Variants in FAM20A observed in about 807,000 individuals in gnomAD.
FAM20A encodes pseudokinase FAM20A.
Under a neutral mutation model 52.0 loss-of-function variants are expected in FAM20A, and 42 were observed. That is an observed-to-expected ratio of 0.81 (90% CI 0.63 to 1.04). The LOEUF is 1.04. FAM20A is among the 50% of genes least tolerant of loss of function. The pLI, the probability that FAM20A is intolerant of heterozygous loss-of-function variation, is 0.00. For synonymous variants in FAM20A, 304 were observed against 298.9 expected (o/e 1.02, Z -0.18); for missense variants, 742 against 712.7 (o/e 1.04, Z -0.47).
At chr17:68,594,989 G>A (rs187244908) in intron 1 of FAM20A, among the ~76,000 whole-genome samples, 66 of 152,336 alleles carry the variant, frequency 4.3e-4, no homozygotes, top group African/African-American at 1.5e-3. Flanking sequence ...GGAGAGGTGT[G>A]TATGCCAGGG....
chr17:68,598,734 C>T (rs1428396795), intron 1 of FAM20A, among the ~76,000 whole-genome samples: 1 of 152,138 alleles, frequency 6.6e-6, no homozygotes, highest in Non-Finnish European at 1.5e-5. Context: ...GACTTTGCTT[C>T]GGGTCCAAAG....
rs752738099 is a variant in FAM20A, at chr17:68,542,698, A to G, written c.924T>C (p.Ser308=). 3 of 1,612,500 alleles carry G rather than the reference A, an allele frequency of 1.9e-6. 1 individual carries two copies. The South Asian group carries it at 3.3e-5, about 18-fold the overall frequency. The change falls in exon 6 of 11, where the codon TCT becomes TCC. Residue 308 remains serine (S), a synonymous_variant. Coordinates refer to ENST00000592554, the MANE Select transcript of FAM20A (RefSeq NM_017565.4). ...TCACTCGGGCCAGTACTCTACCTGG[A>G]GAGACAAAGAAAACACTCTGCAGGA... is the stretch of plus-strand genomic sequence containing the variant. ...NEILQSVFFV[S]PASNVCFFAK...
intron 1 of FAM20A, among the ~76,000 whole-genome samples, chr17:68,573,442 TTC>T (rs971567376): frequency 8.4e-6 from 1 of 119,052 alleles, no homozygotes; most frequent in Non-Finnish European, 1.9e-5. Flanking sequence ...TTCTCTTTCT[TTC>T]TTTCTTTCTT....
chr17:68,591,647 G>A (rs1229116857), intron 1 of FAM20A: 1 of 152,278 alleles, frequency 6.6e-6, no homozygotes, highest in African/African-American at 2.4e-5. Context: ...CAGCCTGAAG[G>A]CTGAACAACC....
At chr17:68,542,946 G>A in intron 5 of FAM20A, 137 bp from the exon 6 acceptor site, 2 of 715,830 alleles carry the variant, frequency 2.8e-6, no homozygotes, top group Non-Finnish European at 2.5e-6. Context: ...ACTCTGCACT[G>A]TTGAGCTGGT....
At chr17:68,596,704 C>T (rs1359203987) in intron 1 of FAM20A, among the ~76,000 whole-genome samples, 1 of 152,228 alleles carries the variant, frequency 6.6e-6, no homozygotes, top group Non-Finnish European at 1.5e-5. Flanking sequence ...CTTCCCTGTG[C>T]ACTTTCCTCG....
intron 1 of FAM20A, among the ~76,000 whole-genome samples, chr17:68,576,279 C>G (rs973563747): frequency 3.3e-5 from 5 of 152,226 alleles, no homozygotes; most frequent in African/African-American, 9.6e-5. Context: ...TTCACATGTG[C>G]TGGCTCATGA....
At chr17:68,573,921 G>A (rs931543167) in intron 1 of FAM20A, among the ~76,000 whole-genome samples, 33 of 151,370 alleles carry the variant, frequency 2.2e-4, no homozygotes, top group Non-Finnish European at 7.4e-5. Flanking sequence ...CAGGTGATCC[G>A]CCTGCCTCAG....
chr17:68,594,260 G>C (rs939122825), intron 1 of FAM20A, among the ~76,000 whole-genome samples: 1 of 151,818 alleles, frequency 6.6e-6, no homozygotes, highest in Non-Finnish European at 1.5e-5. Flanking sequence ...TTAGCTGGGC[G>C]TAGTGGCGGG....
chr17:68,538,078 T>C (rs879763009), intron 10 of FAM20A, among the ~76,000 whole-genome samples: 1 of 152,208 alleles, frequency 6.6e-6, no homozygotes, highest in Admixed American at 6.5e-5. Context: ...GATTTAAAGC[T>C]AATGGGAGAA....
Position 68,537,087 on chromosome 17 carries a change from C to T in FAM20A, c.*390G>A. 1 of 462,464 alleles carries T rather than the reference C, an allele frequency of 2.2e-6. No homozygotes were observed. Among genetic ancestry groups the T allele is most frequent in the Non-Finnish European group, 4.3e-6 (1 of 232,760 alleles). 28.6% of individuals were successfully genotyped at this position (462,464 alleles called of 1,614,324 possible). On this transcript the variant is annotated 3_prime_UTR_variant, in exon 11 of 11. Coordinates refer to ENST00000592554, the MANE Select transcript of FAM20A (RefSeq NM_017565.4). This position sits in a 1 kb window ranked among gnomAD's most constrained non-coding sequence, Gnocchi z 4.2. ...TGTCTGGACCAGGAGTTATCTTTGA[C>T]TTGTAGCTAGAATAAGGATCCTGAG...
chr17:68,545,047 G>A (rs2086484900), intron 4 of FAM20A, among the ~76,000 whole-genome samples: 1 of 152,176 alleles, frequency 6.6e-6, no homozygotes, highest in East Asian at 1.9e-4. Flanking sequence ...ATTTTCCAAA[G>A]TTAAAGTTCT....
At chr17:68,553,133 C>T (rs112987141) in intron 3 of FAM20A, among the ~76,000 whole-genome samples, 226 of 152,206 alleles carry the variant, frequency 1.5e-3, no homozygotes, top group African/African-American at 4.6e-3. Flanking sequence ...GGCAGCTTCC[C>T]CTGTGCCGTT....
At position 68,554,783 on chromosome 17, in the gene FAM20A, T is replaced by A; in HGVS notation, c.634A>T (p.Thr212Ser). The A allele has an allele frequency of 6.2e-7, 1 of 1,613,964 alleles. No individual in the cohort carries two copies. The highest frequency in any genetic ancestry group is 8.5e-7 in the Non-Finnish European group (1 of 1,179,950). The change falls in exon 3 of 11, where the codon ACC becomes TCC. Residue 212 changes from threonine to serine, a missense_variant. Physicochemically the swap from Thr to Ser is moderately conservative, Grantham distance 58. Transcript: ENST00000592554. ...EKALLGACDC[T>S]QIVKPSGVHL... ...GTGGGGCTAGGTCACTTACTCTGGG[T>A]GCAGTCACATGCCCCCAGCAAGGCT... is the stretch of plus-strand genomic sequence containing the variant.
rs2088570484 is a variant in FAM20A, at chr17:68,600,114, G to A, written c.404+149C>T. On this transcript the variant is annotated intron_variant, in intron 1 of 10. Transcript: ENST00000592554. This position sits in a 1 kb window ranked among gnomAD's most constrained non-coding sequence, Gnocchi z 6.2. ...GCAACAGCTGGTGGGGTTCGGGTGG[G>A]GAACACACTCTAAGCCCAGCGCCAG... 2 of 909,586 alleles carry A rather than the reference G, an allele frequency of 2.2e-6. No homozygotes were observed. Among genetic ancestry groups the A allele is most frequent in the Non-Finnish European group, 1.6e-6 (1 of 618,578 alleles). 56.3% of individuals were successfully genotyped at this position (909,586 alleles called of 1,614,324 possible).
At chr17:68,597,174 A>G (rs1248856944) in intron 1 of FAM20A, among the ~76,000 whole-genome samples, 1 of 151,664 alleles carries the variant, frequency 6.6e-6, no homozygotes, top group East Asian at 1.9e-4. Flanking sequence ...GTGGAAGGAT[A>G]CTTTCTGACT....
Position 68,600,749 on chromosome 17 carries a change from G to A in FAM20A, c.-83C>T. On this transcript the variant is annotated 5_prime_UTR_variant, in exon 1 of 11. Transcript: ENST00000592554. The surrounding 1 kb of genome is among the most constrained non-coding windows in gnomAD (Gnocchi z 6.2). ...GGGGTCGCGGGGTGCGGGCAGAAGA[G>A]GTGCCTGGAGTCCCGCGGGTGGGCC... 1 of 1,429,716 alleles carries A rather than the reference G, an allele frequency of 7.0e-7. No individual in the cohort carries two copies. Among genetic ancestry groups the A allele is most frequent in the Non-Finnish European group, 9.3e-7 (1 of 1,077,270 alleles). The allele number at this position is 1,429,716 out of a possible 1,614,324, so 88.6% of individuals were successfully genotyped here.
In FAM20A at chr17:68,536,816, C is replaced by T; in HGVS notation, c.*661G>A. The T allele has an allele frequency of 2.2e-6, 1 of 454,030 alleles. No homozygotes were observed. Among genetic ancestry groups the T allele is most frequent in the South Asian group, 1.6e-5 (1 of 64,478 alleles). 28.1% of individuals were successfully genotyped at this position (454,030 alleles called of 1,614,324 possible). ...ATTTGATGTTATTTCAATTGTAATA[C>T]TCTTCAAATTGGAACACTCCTTTTC... On this transcript the variant is annotated 3_prime_UTR_variant, in exon 11 of 11. Coordinates refer to ENST00000592554, the MANE Select transcript of FAM20A (RefSeq NM_017565.4).
chr17:68,571,991 T>C (rs62087511), intron 1 of FAM20A, among the ~76,000 whole-genome samples: 38,018 of 69,392 alleles, frequency 0.55, 6,993 homozygotes, highest in African/African-American at 0.58. Flanking sequence ...TACATACATA[T>C]ATATATATAT....
Sources: gnomAD v4.1 joint callset for allele counts (sites outside exome capture counted in the v4.1 genomes callset) on GRCh38, gnomAD v4.1.1 for gene constraint, Gnocchi (gnomAD v3.1) non-coding constraint, MANE v1.5 for transcripts, NCBI Gene and HGNC (gene_info 2026-07-23, HGNC 2026-07-21) for gene names.